The following CBR4 variants were observed in gnomAD, a reference collection of about 807,000 sequenced individuals.
The protein encoded by CBR4 is 3-oxoacyl-[acyl-carrier-protein] reductase.
CBR4 carries 22 observed loss-of-function variants against 21.0 expected under a neutral mutation model. That is an observed-to-expected ratio of 1.05 (90% CI 0.75 to 1.50). The LOEUF is 1.50. Among genes scored for constraint, CBR4 ranks in the 40% most tolerant of loss-of-function variants. The pLI, the probability that CBR4 is intolerant of heterozygous loss-of-function variation, is 0.00. For missense variants in CBR4, 302 were observed against 286.3 expected, an observed-to-expected ratio of 1.05 and a Z score of -0.40; for synonymous variants, 100 against 104.4, an observed-to-expected ratio of 0.96 and a Z score of 0.26.
At chr4:168,915,895 G>GC (rs1759992384) in intron 2 of CBR4, 1 of 1,611,566 alleles carries the variant, frequency 6.2e-7, no homozygotes, top group African/African-American at 1.3e-5. Context: ...TTGTTTCAAG[G>GC]CCTCGTTCTA....
chr4:168,968,198 C>A (rs375101928), intron 2 of CBR4, among the ~76,000 whole-genome samples: 2 of 152,072 alleles, frequency 1.3e-5, no homozygotes, highest in South Asian at 4.1e-4. Flanking sequence ...CTAACATAGC[C>A]CTTATATTTT....
At chr4:169,008,158 A>C (rs923325284) in intron 1 of CBR4, among the ~76,000 whole-genome samples, 1 of 152,118 alleles carries the variant, frequency 6.6e-6, no homozygotes, top group South Asian at 2.1e-4. Context: ...TTGTTGAATT[A>C]GTTTCTTTGG....
chr4:168,995,950 G>A (rs575168793), intron 4 of CBR4, among the ~76,000 whole-genome samples: 13 of 152,294 alleles, frequency 8.5e-5, no homozygotes, highest in South Asian at 2.1e-4. Flanking sequence ...AAGAGAGAGT[G>A]GTGCCCTCTG....
chr4:168,985,398 C>G (rs1248191015), downstream of CBR4, among the ~76,000 whole-genome samples: 2 of 152,088 alleles, frequency 1.3e-5, no homozygotes, highest in Non-Finnish European at 2.9e-5. Flanking sequence ...ACAACAGATG[C>G]TGGTGGTTGT....
Position 168,989,249 on chromosome 4 carries a change from T to C in CBR4, c.*901A>G, listed in dbSNP as rs1421131993. ...TGTATTTCTCGTTTTTAAATATTAA[T>C]AGTTCACTATTCTAAGTTTTTCATG... On this transcript the variant is annotated 3_prime_UTR_variant, in exon 5 of 5. Transcript: ENST00000306193. 1 of 980,884 alleles carries C rather than the reference T, an allele frequency of 1.0e-6. No homozygotes were observed. 60.8% of individuals were successfully genotyped at this position (980,884 alleles called of 1,614,324 possible).
intron 2 of CBR4, chr4:168,904,049 G>GT: frequency 1.3e-6 from 1 of 792,848 alleles, no homozygotes; most frequent in Non-Finnish European, 2.1e-6. Context: ...ATCCATCTTG[G>GT]TTTCAGAGGA....
chr4:168,990,456 AGACAGGGTCTCAC>A, intron 4 of CBR4, 128 bp from the exon 5 acceptor site: 2 of 819,178 alleles, frequency 2.4e-6, no homozygotes, highest in Non-Finnish European at 3.5e-6. Flanking sequence ...TTTTTTTTTG[AGACAGGGTCTCAC>A]TCTGTCACCC....
At chr4:168,922,961 CT>C (rs907382952) in intron 2 of CBR4, among the ~76,000 whole-genome samples, 1 of 152,176 alleles carries the variant, frequency 6.6e-6, no homozygotes, top group African/African-American at 2.4e-5. Flanking sequence ...TGGCAAATAG[CT>C]ATCTCTGCGA....
At chr4:168,921,406 CAAAA>C (rs5863967) in intron 2 of CBR4, 2,262 of 358,762 alleles carry the variant, frequency 6.3e-3, no homozygotes, top group Middle Eastern at 7.0e-3. Context: ...AAACTCTGTC[CAAAA>C]AAAAAAAAAA....
At chr4:169,007,111 T>G (rs1398091551) in intron 2 of CBR4, among the ~76,000 whole-genome samples, 1 of 152,192 alleles carries the variant, frequency 6.6e-6, no homozygotes, top group Non-Finnish European at 1.5e-5. Flanking sequence ...TTGCTACCCC[T>G]TCTCAGCTTG....
chr4:168,894,870 A>AT (rs1374562833), intron 2 of CBR4: 99 of 807,088 alleles, frequency 1.2e-4, no homozygotes, highest in Middle Eastern at 7.2e-4. Context: ...GACTGACAGA[A>AT]TTCTTTCCAT....
At chr4:169,004,331 G>A (rs999435772) in intron 3 of CBR4, among the ~76,000 whole-genome samples, 1 of 151,962 alleles carries the variant, frequency 6.6e-6, no homozygotes, top group Non-Finnish European at 1.5e-5. Context: ...ACTTTTACAT[G>A]CACTGAGAAA....
At position 168,989,612 on chromosome 4, in the gene CBR4, GCAACAGCC is replaced by G; in HGVS notation, c.*530_*537del. 1 of 985,124 alleles carries G rather than the reference GCAACAGCC, an allele frequency of 1.0e-6. No individual in the cohort carries two copies. Among genetic ancestry groups the G allele is most frequent in the Non-Finnish European group, 1.2e-6 (1 of 829,736 alleles). 61.0% of individuals were successfully genotyped at this position (985,124 alleles called of 1,614,324 possible). The stretch of plus-strand genomic sequence containing the variant: ...GTGTCCTCTAAATACTCTTATTTTG[GCAACAGCC>G]CACAAGGTTAACTTTTAGAAAATTC... On this transcript the variant is annotated 3_prime_UTR_variant, in exon 5 of 5. Transcript: ENST00000306193.
intron 2 of CBR4, chr4:168,926,063 G>A (rs1762529803): frequency 3.3e-6 from 2 of 608,036 alleles, no homozygotes; most frequent in South Asian, 5.7e-5. Flanking sequence ...TGAGTAAAAT[G>A]CAAAAGTGTT....
At chr4:168,972,052 C>T (rs957424240) in intron 2 of CBR4, among the ~76,000 whole-genome samples, 13 of 152,114 alleles carry the variant, frequency 8.5e-5, no homozygotes, top group Non-Finnish European at 1.8e-4. Flanking sequence ...GGTGTGCTTT[C>T]CCCCACTTTA....
chr4:168,913,961 A>G lies in CBR4; in HGVS notation n.170-19196T>C, dbSNP rs767984785. 1.9e-6 allele frequency: 3 copies of G among 1,613,318 alleles called. No individual in the cohort carries two copies. Among genetic ancestry groups the G allele is most frequent in the East Asian group, 2.2e-5 (1 of 44,870 alleles). ...AGTTGTACTGGACGGCTAATGGTAC[A>G]GGCTGTCAACCAAAGAGGTCGAAGT... is the stretch of plus-strand genomic sequence containing the variant. On this transcript the variant is annotated intron_variant and non_coding_transcript_variant, in intron 2 of 3. Transcript: ENST00000509108.
intron 2 of CBR4, among the ~76,000 whole-genome samples, chr4:168,939,724 C>G (rs1763210862): frequency 6.6e-6 from 1 of 152,140 alleles, no homozygotes; most frequent in African/African-American, 2.4e-5. Flanking sequence ...AGGAACCCAA[C>G]TTACAAGGGA....
chr4:168,976,321 T>G (rs991976831), intron 2 of CBR4, among the ~76,000 whole-genome samples: 10 of 152,268 alleles, frequency 6.6e-5, no homozygotes, highest in East Asian at 1.9e-4. Context: ...TCCTGCTGCT[T>G]CTTCTACTTT....
chr4:168,971,214 T>C (rs1764197158), intron 2 of CBR4, among the ~76,000 whole-genome samples: 1 of 152,146 alleles, frequency 6.6e-6, no homozygotes, highest in Admixed American at 6.5e-5. Flanking sequence ...TGCATTTCCC[T>C]GATAATTAGT....
Sources: allele counts gnomAD v4.1 joint callset (sites outside exome capture counted in the v4.1 genomes callset), GRCh38; gene constraint gnomAD v4.1.1; transcripts MANE v1.5; gene names NCBI Gene and HGNC (gene_info 2026-07-23, HGNC 2026-07-21).